RNF125: variants seen among roughly 807,000 people sequenced by gnomAD.
RNF125 encodes the protein ring finger protein 125.
Under a neutral mutation model 26.0 loss-of-function variants are expected in RNF125, and 21 were observed. The ratio of observed to expected loss-of-function variants is 0.81; its 90% CI spans 0.57 to 1.16. The LOEUF (loss-of-function observed/expected upper bound fraction) is 1.16, where lower values mean the gene tolerates loss of function less well. Among genes scored for constraint, RNF125 ranks in the 50% most tolerant of loss-of-function variants. The pLI, the probability that RNF125 is intolerant of heterozygous loss-of-function variation, is 0.00. For synonymous variants in RNF125, 95 were observed against 109.2 expected (o/e 0.87, Z 0.81); for missense variants, 270 against 299.4 (o/e 0.90, Z 0.72).
rs145077539 is a variant in RNF125 at position 32,042,923 on chromosome 18, C to A, written c.413+650C>A. On this transcript the variant is annotated intron_variant, in intron 3 of 5. Transcript: ENST00000217740. ...CAGCACTTTGGGAGGCTGAGACGGG[C>A]AGATCACTTGAGGTCAGGAGTTCAA... Among the ~76,000 whole-genome samples the A allele has an allele frequency of 3.1e-3, 471 of 151,528 alleles. 2 individuals are homozygous for A. Among genetic ancestry groups the A allele is most frequent in the Middle Eastern group, 0.01 (3 of 294 alleles).
At chr18:32,050,541 G>A (rs2039313579) in intron 4 of RNF125, among the ~76,000 whole-genome samples, 1 of 151,956 alleles carries the variant, frequency 6.6e-6, no homozygotes, top group South Asian at 2.1e-4. Context: ...ATCTTGCTAT[G>A]TTGCCCAGGC....
intron 1 of RNF125, among the ~76,000 whole-genome samples, chr18:32,020,675 G>A (rs1351298195): frequency 1.3e-5 from 2 of 151,676 alleles, no homozygotes; most frequent in Non-Finnish European, 2.9e-5. Flanking sequence ...TTGGGAAGCC[G>A]AGGTGGATGG....
intron 1 of RNF125, among the ~76,000 whole-genome samples, chr18:32,019,378 C>T (rs1229893711): frequency 2.0e-5 from 3 of 152,216 alleles, no homozygotes; most frequent in East Asian, 3.9e-4. Context: ...CCAGCGCTCG[C>T]CCAGGCACGG....
At chr18:32,027,870 T>G (rs2039052535) in intron 1 of RNF125, among the ~76,000 whole-genome samples, 1 of 152,060 alleles carries the variant, frequency 6.6e-6, no homozygotes, top group Non-Finnish European at 1.5e-5. Flanking sequence ...CTTGATGCTT[T>G]TATACTTGAG....
downstream of RNF125, among the ~76,000 whole-genome samples, chr18:32,074,475 A>C (rs1423554521): frequency 6.6e-6 from 1 of 152,214 alleles, no homozygotes; most frequent in Non-Finnish European, 1.5e-5. Context: ...AGGGGTGAAA[A>C]GTCAAAATGA....
intron 1 of RNF125, among the ~76,000 whole-genome samples, chr18:32,028,672 C>T (rs1170385953): frequency 6.6e-6 from 1 of 151,062 alleles, no homozygotes; most frequent in Non-Finnish European, 1.5e-5. Flanking sequence ...GTAACCTCTA[C>T]CTCCTGAGTA....
intron 1 of RNF125, among the ~76,000 whole-genome samples, chr18:32,021,967 T>G (rs2038990789): frequency 6.6e-6 from 1 of 152,226 alleles, no homozygotes; most frequent in Non-Finnish European, 1.5e-5. Flanking sequence ...TGGGCAGAAT[T>G]TCCATATTCC....
the RNF125 span, among the ~76,000 whole-genome samples, chr18:32,080,608 G>A: frequency 6.6e-6 from 1 of 152,242 alleles, no homozygotes; most frequent in African/African-American, 2.4e-5. Context: ...TGTTGTTCAT[G>A]GGTATGGAGT....
At chr18:32,061,472 G>A (rs2039434494) in intron 4 of RNF125, among the ~76,000 whole-genome samples, 1 of 152,196 alleles carries the variant, frequency 6.6e-6, no homozygotes, top group African/African-American at 2.4e-5. Context: ...TAAATATGGA[G>A]CAGAGCTAGT....
At chr18:32,044,573 C>A (rs1017224693) in intron 3 of RNF125, among the ~76,000 whole-genome samples, 2 of 151,414 alleles carry the variant, frequency 1.3e-5, no homozygotes, top group African/African-American at 4.9e-5. Flanking sequence ...TAGAGTTTCA[C>A]GCCTGTTGCC....
At chr18:32,088,767 T>C in the RNF125 span, among the ~76,000 whole-genome samples, 1 of 152,218 alleles carries the variant, frequency 6.6e-6, no homozygotes, top group Non-Finnish European at 1.5e-5. Flanking sequence ...CCCAGAGTGC[T>C]GGGATTAGGA....
At chr18:32,029,713 C>T (rs1442252575) in intron 1 of RNF125, among the ~76,000 whole-genome samples, 1 of 152,156 alleles carries the variant, frequency 6.6e-6, no homozygotes, top group Non-Finnish European at 1.5e-5. Context: ...GATATCAAAG[C>T]CAACCACTGG....
downstream of RNF125, among the ~76,000 whole-genome samples, chr18:32,077,569 C>T (rs2039578644): frequency 6.6e-6 from 1 of 151,864 alleles, no homozygotes; most frequent in South Asian, 2.1e-4. Flanking sequence ...CCTTGTTGGC[C>T]AGGCTGGTCT....
intron 4 of RNF125, among the ~76,000 whole-genome samples, chr18:32,057,972 A>C: frequency 6.6e-6 from 1 of 151,920 alleles, no homozygotes; most frequent in East Asian, 1.9e-4. Context: ...TGCTTCCTTT[A>C]AAGCGCTAAA....
At chr18:32,064,125 G>A (rs1303437998) in intron 4 of RNF125, among the ~76,000 whole-genome samples, 1 of 151,838 alleles carries the variant, frequency 6.6e-6, no homozygotes, top group African/African-American at 2.4e-5. Context: ...CTCTGGAGTA[G>A]CCAGGACTAC....
At chr18:32,059,270 C>T (rs1421529999) in intron 4 of RNF125, among the ~76,000 whole-genome samples, 1 of 152,178 alleles carries the variant, frequency 6.6e-6, no homozygotes, top group Non-Finnish European at 1.5e-5. Context: ...TCTCCACATC[C>T]TCGTCAGCAT....
chr18:32,075,788 C>T (rs1387087970), downstream of RNF125: 13 of 545,458 alleles, frequency 2.4e-5, no homozygotes, highest in Non-Finnish European at 4.3e-5. Context: ...CTTTTCACTG[C>T]TTAAAATGCT....
At chr18:32,036,276 C>T (rs1423955163) in intron 1 of RNF125, among the ~76,000 whole-genome samples, 1 of 151,532 alleles carries the variant, frequency 6.6e-6, no homozygotes, top group East Asian at 1.9e-4. Context: ...CAACTATATG[C>T]TTATAAGAAC....
the RNF125 span, among the ~76,000 whole-genome samples, chr18:32,081,139 A>C: frequency 6.7e-6 from 1 of 148,620 alleles, no homozygotes; most frequent in Middle Eastern, 3.4e-3. Flanking sequence ...GGTTGCAGTG[A>C]GCCAAGATCT....
Sources: allele counts gnomAD v4.1 joint callset (sites outside exome capture counted in the v4.1 genomes callset), GRCh38; gene constraint gnomAD v4.1.1; transcripts MANE v1.5; gene names NCBI Gene and HGNC (gene_info 2026-07-23, HGNC 2026-07-21).